TAFA2: variants seen among roughly 807,000 people sequenced by gnomAD.
TAFA2 encodes chemokine-like protein TAFA-2.
TAFA2 carries 7 observed loss-of-function variants against 18.8 expected under a neutral mutation model. The observed-to-expected ratio is 0.37, with a 90% CI of 0.21 to 0.70. The LOEUF (loss-of-function observed/expected upper bound fraction) is 0.70. TAFA2 is among the 30% of genes least tolerant of loss of function. TAFA2 has a pLI of 0.53. For synonymous variants in TAFA2, 60 were observed against 54.2 expected (o/e 1.11, Z -0.47); for missense variants, 122 against 158.1 (o/e 0.77, Z 1.23).
At position 61,821,081 on chromosome 12, in the gene TAFA2, T is replaced by G. The variant is rs118010520; in HGVS notation, c.106+46239A>C. Among the ~76,000 whole-genome samples, 30 of 151,470 alleles carry G rather than the reference T, an allele frequency of 2.0e-4. No homozygotes were observed. The East Asian group carries it at 5.6e-3, about 29-fold the overall frequency. On this transcript the variant is annotated intron_variant, in intron 2 of 4. Coordinates refer to ENST00000416284, the MANE Select transcript of TAFA2 (RefSeq NM_178539.5). Reference sequence around the variant, plus strand: ...CAATAATTAGCTCCTTTTTACTCTTTTCTAAAAACTACCTACCTATAGTGT... The same window carrying G: ...CAATAATTAGCTCCTTTTTACTCTTGTCTAAAAACTACCTACCTATAGTGT...
intron 1 of TAFA2, among the ~76,000 whole-genome samples, chr12:62,116,052 G>C (rs1869949607): frequency 6.6e-6 from 1 of 152,164 alleles, no homozygotes; most frequent in Non-Finnish European, 1.5e-5. Flanking sequence ...TAGTTCTTTA[G>C]TCTGTTACTG....
At chr12:61,898,531 C>A (rs12827682) in intron 1 of TAFA2, among the ~76,000 whole-genome samples, 41,554 of 152,154 alleles carry the variant, frequency 0.27, 6,117 homozygotes, top group East Asian at 0.44. Flanking sequence ...GGACTAACAT[C>A]ATGTGGAAGC....
chr12:62,119,717 T>C (rs1870110955), intron 1 of TAFA2, among the ~76,000 whole-genome samples: 1 of 152,166 alleles, frequency 6.6e-6, no homozygotes. Context: ...ATATCCACTA[T>C]TTCAGAGGAG....
intron 1 of TAFA2, among the ~76,000 whole-genome samples, chr12:61,892,942 A>T (rs747955111): frequency 6.6e-6 from 1 of 152,238 alleles, no homozygotes; most frequent in Non-Finnish European, 1.5e-5. Context: ...AAAATCTGAA[A>T]TTCAAATTTA....
chr12:61,787,827 A>G (rs548463346), intron 2 of TAFA2, among the ~76,000 whole-genome samples: 2 of 151,802 alleles, frequency 1.3e-5, no homozygotes, highest in African/African-American at 2.4e-5. Context: ...AATAATTAAC[A>G]AAATGGCTGG....
chr12:61,768,721 G>T (rs1031219213), intron 2 of TAFA2, among the ~76,000 whole-genome samples: 3 of 152,132 alleles, frequency 2.0e-5, no homozygotes, highest in Admixed American at 6.5e-5. Flanking sequence ...TCTCACAGGG[G>T]TCCTTGGGGA....
rs150320989 is a variant in TAFA2 at position 61,757,373 on chromosome 12, G to C, written c.107-2349C>G. ...GAGAAGTTGATAGTTCTGATGGATA[G>C]AGAAGGCCTAGGAAAGAGGAATTTG... On this transcript the variant is annotated intron_variant, in intron 2 of 4. Coordinates refer to ENST00000416284, the MANE Select transcript of TAFA2 (RefSeq NM_178539.5). Among the ~76,000 whole-genome samples, 1,244 of 152,170 alleles carry C rather than the reference G, an allele frequency of 8.2e-3. 9 individuals are homozygous for C. Among genetic ancestry groups the C allele is most frequent in the African/African-American group, 0.026 (1,087 of 41,542 alleles).
chr12:62,230,532 G>C (rs1182965294), intron 1 of TAFA2, among the ~76,000 whole-genome samples: 11 of 152,026 alleles, frequency 7.2e-5, no homozygotes, highest in Admixed American at 7.2e-4. Context: ...AGTTCCTCTT[G>C]TTATTAATTT....
intron 1 of TAFA2, among the ~76,000 whole-genome samples, chr12:62,150,238 A>G (rs2062318190): frequency 6.6e-6 from 1 of 152,214 alleles, no homozygotes; most frequent in South Asian, 2.1e-4. Context: ...GAGATCTTGG[A>G]TGAGTACCTC....
At chr12:61,952,177 T>C (rs1050069864) in intron 1 of TAFA2, among the ~76,000 whole-genome samples, 29 of 152,080 alleles carry the variant, frequency 1.9e-4, no homozygotes, top group African/African-American at 6.3e-4. Context: ...GAAAGGAAGG[T>C]AGACAGATGT....
At chr12:61,918,164 A>T (rs59717951) in intron 1 of TAFA2, among the ~76,000 whole-genome samples, 9 of 152,170 alleles carry the variant, frequency 5.9e-5, no homozygotes, top group African/African-American at 2.2e-4. Context: ...GTTTCAAACA[A>T]TCAAATCATA....
chr12:61,927,193 G>A lies in TAFA2; in HGVS notation c.-1-59767C>T, dbSNP rs577639537. Reference sequence around the variant, plus strand: ...ATCAGGCAACAGAAAGAAATAAAGCGTATTCAAATAGGAAGAGAGGAAGTC... The same window carrying A: ...ATCAGGCAACAGAAAGAAATAAAGCATATTCAAATAGGAAGAGAGGAAGTC... On this transcript the variant is annotated intron_variant, in intron 1 of 4. Transcript: ENST00000416284. 1.3e-3 allele frequency among the ~76,000 whole-genome samples: 190 copies of A among 151,940 alleles called. 1 individual carries two copies. The highest frequency in any genetic ancestry group is 1.2e-3 in the Non-Finnish European group (83 of 67,988).
intron 1 of TAFA2, among the ~76,000 whole-genome samples, chr12:62,094,806 C>T (rs1293731694): frequency 2.0e-5 from 3 of 151,954 alleles, no homozygotes; most frequent in Non-Finnish European, 4.4e-5. Flanking sequence ...AGAGCCAGAA[C>T]AGGAACACAG....
At chr12:61,919,252 C>T (rs888248251) in intron 1 of TAFA2, among the ~76,000 whole-genome samples, 2 of 152,132 alleles carry the variant, frequency 1.3e-5, no homozygotes, top group African/African-American at 4.8e-5. Context: ...AAAAGACTTG[C>T]TAATTTAGTA....
intron 1 of TAFA2, 33 bp downstream of exon 1, chr12:62,191,226 T>C (rs1222167907): frequency 2.0e-5 from 3 of 151,786 alleles, no homozygotes; most frequent in African/African-American, 7.3e-5. Context: ...TCCCCAGCGC[T>C]GGCCGGCGAC....
chr12:61,723,677 A>C (rs572814420), intron 4 of TAFA2, among the ~76,000 whole-genome samples: 17 of 152,272 alleles, frequency 1.1e-4, no homozygotes, highest in African/African-American at 3.8e-4. Flanking sequence ...AAACAAAATT[A>C]ATTCATGAAA....
chr12:62,184,694 T>C (rs1178767598), intron 1 of TAFA2, among the ~76,000 whole-genome samples: 3 of 150,926 alleles, frequency 2.0e-5, no homozygotes, highest in Admixed American at 2.0e-4. Flanking sequence ...AAAGGCAGGG[T>C]TTCATCATGT....
At chr12:62,188,832 A>G (rs1006483909) in intron 1 of TAFA2, among the ~76,000 whole-genome samples, 5 of 152,100 alleles carry the variant, frequency 3.3e-5, no homozygotes, top group Admixed American at 3.3e-4. Context: ...CTAAAAACAT[A>G]TTTTTACAGC....
rs191396094 is a variant in TAFA2, at chr12:62,219,738, A to T, written c.-130+39025T>A. On this transcript the variant is annotated intron_variant, in intron 1 of 5. Coordinates refer to the TAFA2 transcript ENST00000551619. The stretch of plus-strand genomic sequence containing the variant: ...TAAATCACTCACCCAGTACATGAAA[A>T]CTGTGCCTCCTTCTATTAAGTTATA... Among the ~76,000 whole-genome samples, 4 of 152,268 alleles carry T rather than the reference A, an allele frequency of 2.6e-5. No individual in the cohort carries two copies. The East Asian group carries it at 7.7e-4, about 29-fold the overall frequency.
Sources: allele counts gnomAD v4.1 joint callset (sites outside exome capture counted in the v4.1 genomes callset), GRCh38; gene constraint gnomAD v4.1.1; transcripts MANE v1.5; gene names NCBI Gene and HGNC (gene_info 2026-07-23, HGNC 2026-07-21).